The following KIF27 variants were observed in gnomAD, a reference collection of about 807,000 sequenced individuals.
KIF27 encodes kinesin family member 27.
KIF27 carries 84 observed loss-of-function variants against 141.8 expected under a neutral mutation model. The ratio of observed to expected loss-of-function variants is 0.59; its 90% CI spans 0.50 to 0.71. KIF27 has a LOEUF of 0.71. Ranked by LOEUF, KIF27 falls within the 30% of genes least tolerant of loss-of-function variation. The pLI is 0.00. For missense variants in KIF27, 1,306 were observed against 1,628.4 expected, an observed-to-expected ratio of 0.80 and a Z score of 3.41; for synonymous variants, 471 against 569.5, an observed-to-expected ratio of 0.83 and a Z score of 2.46.
At chr9:83,880,764 T>C (rs1951610923) in intron 10 of KIF27, among the ~76,000 whole-genome samples, 1 of 152,236 alleles carries the variant, frequency 6.6e-6, no homozygotes, top group Non-Finnish European at 1.5e-5. Flanking sequence ...GATTTGCTTT[T>C]CATTAATAAG....
chr9:83,873,414 G>A (rs891213855), intron 11 of KIF27, among the ~76,000 whole-genome samples: 1 of 152,172 alleles, frequency 6.6e-6, no homozygotes, highest in African/African-American at 2.4e-5. Flanking sequence ...AGTATTTAAA[G>A]GAAGTGTTTA....
chr9:83,905,395 G>C (rs1276829980), intron 3 of KIF27, among the ~76,000 whole-genome samples: 1 of 152,178 alleles, frequency 6.6e-6, no homozygotes, highest in African/African-American at 2.4e-5. Flanking sequence ...TGGGATTACA[G>C]GCGTGAGCCA....
chr9:83,900,738 T>C (rs1953790807), intron 4 of KIF27, among the ~76,000 whole-genome samples: 3 of 152,052 alleles, frequency 2.0e-5, no homozygotes, highest in Non-Finnish European at 4.4e-5. Flanking sequence ...TACACGTATA[T>C]ATATACGTGT....
In KIF27 at chr9:83,891,477, G is replaced by C; in HGVS notation, c.1627C>G (p.Leu543Val). The C allele has an allele frequency of 6.2e-7, 1 of 1,612,872 alleles. No individual in the cohort carries two copies. Among genetic ancestry groups the C allele is most frequent in the Non-Finnish European group, 8.5e-7 (1 of 1,179,400 alleles). ...TCTTCACTCAGTTGATCCACAAGAA[G>C]TTGTTGTTCTATTATTTTTTCATTC... ...LQNEKIIEQQ[L>V]LVDQLSEELT... is the part of the protein sequence containing the mutation. The change falls in exon 6 of 18, where the codon CTT becomes GTT. Residue 543 changes from leucine (L) to valine (V), a missense_variant. Physicochemically the swap from Leu to Val is conservative, Grantham distance 32. Transcript: ENST00000297814.
intron 3 of KIF27, among the ~76,000 whole-genome samples, 187 bp downstream of exon 3, chr9:83,908,261 CAAAA>C (rs769794962): frequency 1.3e-5 from 1 of 74,284 alleles, no homozygotes; most frequent in African/African-American, 4.8e-5. Context: ...AACTCCATCT[CAAAA>C]AAAAAAAAAA....
intron 4 of KIF27, 56 bp downstream of exon 4, chr9:83,903,004 C>A: frequency 9.1e-7 from 1 of 1,100,114 alleles, no homozygotes; most frequent in Non-Finnish European, 1.3e-6. Context: ...AAAATATGTA[C>A]ATCTATTATG....
intron 1 of KIF27, among the ~76,000 whole-genome samples, chr9:83,918,327 G>GGA (rs1554689759): frequency 1.3e-4 from 19 of 144,116 alleles, no homozygotes; most frequent in African/African-American, 4.6e-4. Context: ...GAGAAATGGG[G>GGA]GGGGGGCAGG....
At chr9:83,911,476 G>A (rs771346597) in intron 2 of KIF27, among the ~76,000 whole-genome samples, 2 of 151,684 alleles carry the variant, frequency 1.3e-5, no homozygotes, top group African/African-American at 2.4e-5. Flanking sequence ...TGATCCACCC[G>A]CCTCGACCTC....
In KIF27 at chr9:83,891,296, T is replaced by C. The variant is rs750925868; in HGVS notation, c.1808A>G (p.Lys603Arg). ...AGGAAAAGATTGTTTGGACTTTACC[T>C]TCCTGGAATCTTGTCTTGATGGGAT... ...IYIPSRQDSR[K>R]VHTSPPMYSL... The change falls in exon 6 of 18, where the codon AAG (lysine) becomes AGG (arginine). Residue 603 changes from lysine to arginine, a missense_variant and splice_region_variant. Lys to Arg is a conservative substitution (Grantham distance 26). This residue lies in a region of KIF27 where 596 missense variants were observed against 751.6 expected (regional missense o/e 0.79). Coordinates refer to ENST00000297814, the MANE Select transcript of KIF27 (RefSeq NM_017576.4). 1.1e-5 allele frequency: 17 copies of C among 1,610,262 alleles called. No homozygotes were observed. The highest frequency in any genetic ancestry group is 1.7e-4 in the Middle Eastern group (1 of 6,042).
intron 1 of KIF27, among the ~76,000 whole-genome samples, chr9:83,918,843 AG>A (rs1403644368): frequency 6.6e-6 from 1 of 152,178 alleles, no homozygotes; most frequent in African/African-American, 2.4e-5. Context: ...TGGGAGGCCG[AG>A]GTGGGAGGAT....
intron 3 of KIF27, among the ~76,000 whole-genome samples, chr9:83,906,501 G>C (rs914570325): frequency 6.6e-6 from 1 of 151,988 alleles, no homozygotes; most frequent in Non-Finnish European, 1.5e-5. Flanking sequence ...AGCACTTTGG[G>C]AGGCCAAAGC....
intron 16 of KIF27, among the ~76,000 whole-genome samples, chr9:83,844,050 C>T (rs1475884111): frequency 1.3e-5 from 2 of 152,064 alleles, no homozygotes; most frequent in Non-Finnish European, 2.9e-5. Flanking sequence ...GAAGGCACAC[C>T]CACTCTTAAT....
intron 3 of KIF27, among the ~76,000 whole-genome samples, chr9:83,907,783 A>C (rs1288371014): frequency 6.6e-6 from 1 of 152,238 alleles, no homozygotes; most frequent in Non-Finnish European, 1.5e-5. Context: ...TTAAAGCAAA[A>C]GCCACCTCCA....
rs146412489 is a variant in KIF27, at chr9:83,854,799, C to A, written c.3151-964G>T. On this transcript the variant is annotated intron_variant, in intron 14 of 17. Coordinates refer to ENST00000297814, the MANE Select transcript of KIF27 (RefSeq NM_017576.4). ...TTGGTGAGATTTGGATATATGTTTC[C>A]ATATACCCATACCTATTGTGGAGGC... Among the ~76,000 whole-genome samples, 8 of 152,282 alleles carry A rather than the reference C, an allele frequency of 5.3e-5. No individual in the cohort carries two copies. The East Asian group carries it at 1.5e-3, about 29-fold the overall frequency.
chr9:83,891,847 AAAAGAAACAAG>A (rs1433875336), intron 5 of KIF27, among the ~76,000 whole-genome samples: 25 of 152,342 alleles, frequency 1.6e-4, no homozygotes, highest in African/African-American at 5.8e-4. Flanking sequence ...CCAAGAAGTA[AAAAGAAACAAG>A]AAAGTTCAAA....
chr9:83,911,160 G>A (rs548452663), intron 2 of KIF27, among the ~76,000 whole-genome samples: 10 of 152,078 alleles, frequency 6.6e-5, no homozygotes, highest in East Asian at 1.9e-4. Context: ...TTGACCTCCC[G>A]GGCTCAGGCG....
At chr9:83,873,646 A>G (rs1277447122) in intron 11 of KIF27, among the ~76,000 whole-genome samples, 1 of 152,210 alleles carries the variant, frequency 6.6e-6, no homozygotes, top group Non-Finnish European at 1.5e-5. Context: ...TCTAGTTCAT[A>G]GCTATAATTT....
rs1955995180 is a variant in KIF27 at position 83,919,095 on chromosome 9, A to T, written c.-88+2276T>A. 2.0e-5 allele frequency among the ~76,000 whole-genome samples: 3 copies of T among 152,184 alleles called. No homozygotes were observed. The South Asian group carries it at 6.2e-4, about 32-fold the overall frequency. The stretch of plus-strand genomic sequence containing the variant: ...TCTCAAACAAACAAACAAACAAACA[A>T]CAACCACAATGAGATACCAATCCAC... On this transcript the variant is annotated intron_variant, in intron 1 of 17. Coordinates refer to ENST00000297814, the MANE Select transcript of KIF27 (RefSeq NM_017576.4).
chr9:83,910,054 AATACATAC>A (rs10616573), intron 2 of KIF27, among the ~76,000 whole-genome samples: 27 of 148,344 alleles, frequency 1.8e-4, no homozygotes, highest in African/African-American at 5.2e-4. Flanking sequence ...CCTTTCTCTA[AATACATAC>A]ATACATACAT....
Sources: allele counts gnomAD v4.1 joint callset (sites outside exome capture counted in the v4.1 genomes callset), GRCh38; gene constraint gnomAD v4.1.1; regional missense constraint gnomAD v4.1.1; transcripts MANE v1.5; gene names NCBI Gene and HGNC (gene_info 2026-07-23, HGNC 2026-07-21).